The following PRPF18 variants were observed in gnomAD, a reference collection of about 807,000 sequenced individuals.
PRPF18 encodes pre-mRNA-splicing factor 18.
PRPF18 carries 38 observed loss-of-function variants against 46.5 expected under a neutral mutation model. The observed-to-expected ratio is 0.82, with a 90% CI of 0.63 to 1.07. The LOEUF is 1.07. PRPF18 is among the 50% of genes least tolerant of loss of function. The pLI, the probability that PRPF18 is intolerant of heterozygous loss-of-function variation, is 0.00. For missense variants in PRPF18, 263 were observed against 410.0 expected (o/e 0.64, Z 3.10); for synonymous variants, 152 against 146.7 (o/e 1.04, Z -0.26).
intron 3 of PRPF18, among the ~76,000 whole-genome samples, chr10:13,601,955 A>C (rs1413286207): frequency 6.6e-6 from 1 of 152,188 alleles, no homozygotes; most frequent in Non-Finnish European, 1.5e-5. Context: ...TTCCTTATAC[A>C]TATGTCTTGA....
the PRPF18 span, chr10:13,651,119 C>T: frequency 1.3e-5 from 2 of 152,202 alleles, no homozygotes; most frequent in South Asian, 2.1e-4. Context: ...CAGATTTCGA[C>T]GTGAATCTTG....
chr10:13,589,652 A>G (rs543540020), intron 1 of PRPF18, among the ~76,000 whole-genome samples: 1 of 152,202 alleles, frequency 6.6e-6, no homozygotes, highest in South Asian at 2.1e-4. Flanking sequence ...TTTTGACCTC[A>G]TGAGTCCTCT....
chr10:13,637,555 T>C, the PRPF18 span, among the ~76,000 whole-genome samples: 2 of 152,248 alleles, frequency 1.3e-5, no homozygotes, highest in Non-Finnish European at 2.9e-5. Flanking sequence ...GACTGATTTA[T>C]AGTACTTTCT....
intron 9 of PRPF18, among the ~76,000 whole-genome samples, chr10:13,627,762 A>G (rs2080530325): frequency 6.6e-6 from 1 of 152,212 alleles, no homozygotes. Context: ...GTGAGTATAA[A>G]TAGGCATCAC....
the PRPF18 span, chr10:13,653,066 C>T: frequency 1.3e-5 from 2 of 152,274 alleles, no homozygotes; most frequent in Admixed American, 1.3e-4. Context: ...TGGGTATTTC[C>T]CCCGCAAGGG....
chr10:13,624,076 C>G (rs950241668), intron 9 of PRPF18, among the ~76,000 whole-genome samples: 2 of 152,198 alleles, frequency 1.3e-5, no homozygotes, highest in Non-Finnish European at 2.9e-5. Context: ...CTTCCACCCC[C>G]CAGGTTCAAA....
chr10:13,611,389 C>G (rs891003002), intron 5 of PRPF18, among the ~76,000 whole-genome samples: 1 of 152,154 alleles, frequency 6.6e-6, no homozygotes, highest in African/African-American at 2.4e-5. Flanking sequence ...ATCTCACATT[C>G]ATTACCCCCT....
Position 13,597,497 on chromosome 10 carries a change from A to G in PRPF18, c.106A>G (p.Lys36Glu). The G allele has an allele frequency of 6.2e-7, 1 of 1,610,464 alleles. No homozygotes were observed. Reference protein sequence around the residue: ...KYFKRSELAKKEEEAYFERCG... With the variant: ...KYFKRSELAKEEEEAYFERCG... ...TTTCAAGCGTAGTGAGCTCGCCAAA[A>G]AAGAAGAGGAAGCATATTTTGAAAG... Residue 36 changes from lysine (K) to glutamate (E), a missense_variant, in exon 2 of 10, where the codon AAA becomes GAA. By Grantham distance (56) the Lys-to-Glu change is moderately conservative. Transcript: ENST00000378572.
Position 13,586,983 on chromosome 10 carries a change from G to T in PRPF18, c.-104G>T. ...TCCTGTCAGTTGTTCTCAGGTGTTT[G>T]GGCTTGTTGTTCCGTATACTCAGTG... On this transcript the variant is annotated 5_prime_UTR_variant, in exon 1 of 10. Transcript: ENST00000378572. 8.5e-7 allele frequency: 1 copy of T among 1,176,452 alleles called. No individual in the cohort carries two copies. The highest frequency in any genetic ancestry group is 1.3e-6 in the Non-Finnish European group (1 of 783,804). 72.9% of individuals were successfully genotyped at this position (1,176,452 alleles called of 1,614,324 possible).
At chr10:13,610,260 G>A in intron 5 of PRPF18, 75 bp downstream of exon 5, 1 of 1,490,280 alleles carries the variant, frequency 6.7e-7, no homozygotes, top group Non-Finnish European at 9.1e-7. Context: ...GAGTCGGGCA[G>A]ATTGTTGAGG....
intron 9 of PRPF18, among the ~76,000 whole-genome samples, chr10:13,618,166 T>A (rs1056283510): frequency 3.3e-5 from 5 of 151,992 alleles, no homozygotes; most frequent in African/African-American, 9.7e-5. Context: ...CTAGAAGGGA[T>A]GGAGTGTATG....
chr10:13,588,137 C>T (rs1371518665), intron 1 of PRPF18, among the ~76,000 whole-genome samples: 4 of 152,152 alleles, frequency 2.6e-5, no homozygotes, highest in African/African-American at 9.7e-5. Flanking sequence ...GGAAGGGCCG[C>T]CGGGCGCGGT....
chr10:13,650,421 C>T, the PRPF18 span, among the ~76,000 whole-genome samples: 5 of 150,232 alleles, frequency 3.3e-5, no homozygotes, highest in Non-Finnish European at 4.4e-5. Context: ...AGCATGAACT[C>T]GTGTATGTAT....
At chr10:13,602,466 G>A (rs1467546186) in intron 3 of PRPF18, among the ~76,000 whole-genome samples, 1 of 150,816 alleles carries the variant, frequency 6.6e-6, no homozygotes, top group African/African-American at 2.4e-5. Context: ...TTGCCATGCA[G>A]AAGTTTTACA....
chr10:13,587,478 C>T (rs2079892811), intron 1 of PRPF18, among the ~76,000 whole-genome samples: 1 of 152,236 alleles, frequency 6.6e-6, no homozygotes, highest in East Asian at 1.9e-4. Flanking sequence ...AAAGAAAAAT[C>T]CTCATCTTCC....
intron 8 of PRPF18, among the ~76,000 whole-genome samples, chr10:13,615,708 CA>C (rs2080328839): frequency 6.6e-6 from 1 of 151,996 alleles, no homozygotes; most frequent in East Asian, 1.9e-4. Context: ...CACAGCTAGC[CA>C]GGCTTGGTTA....
At chr10:13,636,651 A>G in the PRPF18 span, among the ~76,000 whole-genome samples, 97 of 152,338 alleles carry the variant, frequency 6.4e-4, no homozygotes, top group African/African-American at 2.3e-3. Context: ...TAGGTTTTTC[A>G]CAAAGTAAAC....
intron 5 of PRPF18, 21 bp downstream of exon 5, chr10:13,610,206 A>G: frequency 6.2e-7 from 1 of 1,607,258 alleles, no homozygotes; most frequent in African/African-American, 1.3e-5. Flanking sequence ...CACCAAGCCC[A>G]GCACATCCCT....
chr10:13,619,814 A>G (rs1240256747), intron 9 of PRPF18, among the ~76,000 whole-genome samples: 3 of 151,938 alleles, frequency 2.0e-5, no homozygotes, highest in African/African-American at 4.8e-5. Context: ...TGGATCTTCC[A>G]TGATTTTTTT....
Sources: allele counts gnomAD v4.1 joint callset (sites outside exome capture counted in the v4.1 genomes callset), GRCh38; gene constraint gnomAD v4.1.1; transcripts MANE v1.5; gene names NCBI Gene and HGNC (gene_info 2026-07-23, HGNC 2026-07-21).